ZNF185: variants seen among roughly 807,000 people sequenced by gnomAD.
ZNF185 encodes zinc finger protein 185.
A neutral mutation model predicts 58.6 loss-of-function variants in ZNF185; 56 were observed. The ratio of observed to expected loss-of-function variants is 0.95; its 90% CI spans 0.77 to 1.19. The LOEUF (loss-of-function observed/expected upper bound fraction) is 1.19. ZNF185 is among the 50% of genes most tolerant of loss of function. The probability of loss-of-function intolerance (pLI) is 0.00; values close to 1 mark genes in which losing one functional copy is unlikely to be tolerated. For synonymous variants in ZNF185, 230 were observed against 215.9 expected, an observed-to-expected ratio of 1.07 and a Z score of -0.57; for missense variants, 627 against 573.5, an observed-to-expected ratio of 1.09 and a Z score of -0.95.
chrX:152,904,659 TG>T, the ZNF185 span, among the ~76,000 whole-genome samples: 1 of 111,922 alleles, frequency 8.9e-6, no homozygotes, highest in East Asian at 2.8e-4. Context: ...GGCATCTGAG[TG>T]GGGGTGGAGG....
intron 16 of ZNF185, among the ~76,000 whole-genome samples, chrX:152,953,143 A>G (rs1556901532): frequency 9.0e-6 from 1 of 111,366 alleles, no homozygotes; most frequent in East Asian, 2.8e-4. Context: ...GGCCTCACAA[A>G]AGAGCCAGGA....
chrX:152,903,279 C>G, the ZNF185 span, among the ~76,000 whole-genome samples: 1 of 104,886 alleles, frequency 9.5e-6, no homozygotes, highest in South Asian at 4.4e-4. Context: ...ATCCCGGCCA[C>G]TAGGGAGGCT....
In ZNF185 at chrX:152,965,530, A is replaced by G. The variant is rs782506968; in HGVS notation, c.1799+3A>G. 1.7e-6 allele frequency: 2 copies of G among 1,176,533 alleles called. No homozygotes were observed. Among genetic ancestry groups the G allele is most frequent in the East Asian group, 6.2e-5 (2 of 32,124 alleles). On this transcript the variant is annotated splice_donor_region_variant and intron_variant, in intron 19 of 22. Transcript: ENST00000449285. ...CCAGTATCTGCACGCTATAGCAAGT[A>G]AGAGCGGGTCCCAAACCCTTCCATG...
chrX:152,956,806 A>C (rs1275268495), intron 16 of ZNF185, among the ~76,000 whole-genome samples: 2 of 112,668 alleles, frequency 1.8e-5, no homozygotes, highest in East Asian at 5.5e-4. Flanking sequence ...AAATAAGCCA[A>C]ATGTCACTGT....
intron 16 of ZNF185, among the ~76,000 whole-genome samples, chrX:152,954,811 A>G (rs2048657101): frequency 8.9e-6 from 1 of 112,164 alleles, no homozygotes; most frequent in Non-Finnish European, 1.9e-5. Flanking sequence ...ACGCAGGTAC[A>G]TGGTGATAAA....
intron 21 of ZNF185, among the ~76,000 whole-genome samples, chrX:152,969,862 TGGC>T (rs1306631170): frequency 1.3e-4 from 15 of 112,581 alleles, no homozygotes; most frequent in African/African-American, 3.9e-4. Flanking sequence ...ATGTAGGCCT[TGGC>T]GGGCACAGAG....
At chrX:152,918,078 G>T in exon 6 of ZNF185, 1 of 1,189,382 alleles carries the variant, frequency 8.4e-7, no homozygotes, top group Non-Finnish European at 1.1e-6. Flanking sequence ...TGCCAGTCTG[G>T]TGAGAACAGC....
At chrX:152,901,490 C>T in the ZNF185 span, among the ~76,000 whole-genome samples, 1 of 109,537 alleles carries the variant, frequency 9.1e-6, no homozygotes, top group Non-Finnish European at 1.9e-5. Context: ...AAAAGTTGTA[C>T]GAATCGTGCA....
At chrX:152,899,959 C>T in the ZNF185 span, among the ~76,000 whole-genome samples, 1 of 111,680 alleles carries the variant, frequency 9.0e-6, no homozygotes, top group Non-Finnish European at 1.9e-5. Flanking sequence ...TGAGGAGTGA[C>T]AGAGAGGCCA....
intron 18 of ZNF185, among the ~76,000 whole-genome samples, chrX:152,964,927 A>G (rs1473592258): frequency 9.0e-6 from 1 of 111,660 alleles, no homozygotes; most frequent in Non-Finnish European, 1.9e-5. Flanking sequence ...GGATGAGGCA[A>G]CCTCTAGGCC....
chrX:152,944,778 C>A (rs1041798630), intron 15 of ZNF185, among the ~76,000 whole-genome samples: 2 of 110,945 alleles, frequency 1.8e-5, no homozygotes, highest in Non-Finnish European at 3.8e-5. Flanking sequence ...GCAGGAGGAT[C>A]GCTTGAGACC....
At chrX:152,957,336 AG>A (rs782047631) in intron 16 of ZNF185, among the ~76,000 whole-genome samples, 1 of 109,516 alleles carries the variant, frequency 9.1e-6, no homozygotes, top group East Asian at 2.9e-4. Context: ...CAGTCCATGG[AG>A]GAGAAAGGTA....
At chrX:152,960,986 CAT>C (rs782103334) in intron 17 of ZNF185, among the ~76,000 whole-genome samples, 1 of 112,464 alleles carries the variant, frequency 8.9e-6, no homozygotes, top group East Asian at 2.8e-4. Context: ...ACTGGCAGGA[CAT>C]GTGGTAGAGG....
chrX:152,910,145 T>G (rs1401805426), upstream of ZNF185, among the ~76,000 whole-genome samples: 1 of 111,032 alleles, frequency 9.0e-6, no homozygotes, highest in African/African-American at 3.3e-5. Context: ...TGACCTCAGG[T>G]GATCCACCCA....
intron 19 of ZNF185, 29 bp from the exon 22 acceptor site, chrX:152,967,138 C>G: frequency 8.4e-7 from 1 of 1,192,599 alleles, no homozygotes; most frequent in Non-Finnish European, 1.1e-6. Flanking sequence ...TCATCTCTGC[C>G]CTCCTCTCCC....
chrX:152,899,595 G>A, the ZNF185 span, among the ~76,000 whole-genome samples: 29 of 112,973 alleles, frequency 2.6e-4, no homozygotes, highest in African/African-American at 9.3e-4. Context: ...GGCCAGACAC[G>A]CAGCAGGTGC....
exon 9 of ZNF185, chrX:152,920,748 G>A: frequency 4.1e-6 from 5 of 1,211,994 alleles, no homozygotes; most frequent in Non-Finnish European, 5.6e-6. Flanking sequence ...ATCGCGAAGA[G>A]GTAAGTGTCA....
At chrX:152,923,674 G>A (rs782768328) in intron 11 of ZNF185, among the ~76,000 whole-genome samples, 2 of 112,178 alleles carry the variant, frequency 1.8e-5, no homozygotes, top group African/African-American at 6.5e-5. Context: ...ATCAAGCACC[G>A]GATTCTCATA....
intron 17 of ZNF185, 141 bp from the exon 20 acceptor site, chrX:152,963,698 T>C (rs1230157314): frequency 5.1e-5 from 25 of 490,325 alleles, no homozygotes; most frequent in Non-Finnish European, 7.9e-5. Flanking sequence ...TGCTTATCTG[T>C]AAAGTGAGAA....
Sources: gnomAD v4.1 joint callset for allele counts (sites outside exome capture counted in the v4.1 genomes callset) on GRCh38, gnomAD v4.1.1 for gene constraint, MANE v1.5 for transcripts, NCBI Gene and HGNC (gene_info 2026-07-23, HGNC 2026-07-21) for gene names.